Variants in KCNH1 observed in about 807,000 individuals in gnomAD.
The protein encoded by KCNH1 is voltage-gated delayed rectifier potassium channel KCNH1.
A neutral mutation model predicts 69.2 loss-of-function variants in KCNH1; 27 were observed. That is an observed-to-expected ratio of 0.39 (90% CI 0.29 to 0.54). KCNH1 has a LOEUF of 0.54. KCNH1 is among the 20% of genes least tolerant of loss of function. The probability of loss-of-function intolerance (pLI) is 0.68; values close to 1 mark genes in which losing one functional copy is unlikely to be tolerated. For missense variants in KCNH1, 798 were observed against 1,261.6 expected (o/e 0.63, Z 5.57); for synonymous variants, 456 against 487.7 (o/e 0.93, Z 0.86).
intron 10 of KCNH1, among the ~76,000 whole-genome samples, chr1:210,718,276 A>T (rs896309916): frequency 9.2e-6 from 1 of 108,936 alleles, no homozygotes; most frequent in Non-Finnish European, 2.0e-5. Context: ...ATATATGTGC[A>T]TATAAAAATA....
chr1:210,916,901 A>T (rs1397279194), intron 7 of KCNH1, among the ~76,000 whole-genome samples: 2 of 152,058 alleles, frequency 1.3e-5, no homozygotes, highest in African/African-American at 4.8e-5. Flanking sequence ...TAATCCTTGC[A>T]CTTTGGGAGG....
chr1:211,053,887 C>G (rs563502465), intron 5 of KCNH1, among the ~76,000 whole-genome samples: 1 of 151,990 alleles, frequency 6.6e-6, no homozygotes, highest in South Asian at 2.1e-4. Context: ...CAATAAAAAA[C>G]GAGCAATGTT....
In KCNH1 at chr1:210,782,466, C is replaced by CT. The variant is rs1684006504; in HGVS notation, c.1916-6923dup. On this transcript the variant is annotated intron_variant, in intron 9 of 10. Transcript: ENST00000271751. ...CCTGGCCGGGCACAGTAGCTCACAC[C>CT]TGTAAGCCCAGCACTTTGGGAGGCC... is the stretch of plus-strand genomic sequence containing the variant. 3.9e-5 allele frequency among the ~76,000 whole-genome samples: 6 copies of CT among 152,134 alleles called. No individual in the cohort carries two copies. The South Asian group carries it at 1.2e-3, about 31-fold the overall frequency.
At chr1:210,897,879 G>A (rs184064397) in intron 7 of KCNH1, among the ~76,000 whole-genome samples, 305 of 152,280 alleles carry the variant, frequency 2.0e-3, no homozygotes, top group Non-Finnish European at 3.5e-3. Flanking sequence ...CTCCAAGATG[G>A]GAAGGAGACA....
At chr1:210,880,933 G>A (rs1686479440) in intron 7 of KCNH1, among the ~76,000 whole-genome samples, 1 of 151,032 alleles carries the variant, frequency 6.6e-6, no homozygotes, top group African/African-American at 2.4e-5. Flanking sequence ...ACCTTATGAA[G>A]GACAATAAAC....
Position 210,913,930 on chromosome 1 carries a change from A to G in KCNH1, c.1462+5710T>C, listed in dbSNP as rs190552747. 2.6e-5 allele frequency among the ~76,000 whole-genome samples: 4 copies of G among 152,300 alleles called. No homozygotes were observed. The East Asian group carries it at 7.7e-4, about 29-fold the overall frequency. On this transcript the variant is annotated intron_variant, in intron 7 of 10. Transcript: ENST00000271751. ...AGACAACTTCCTAGTCTTATTCTCA[A>G]AAGTAAGGAGTATGACCAGCTTTCC...
rs550350946 is a variant in KCNH1 at position 210,918,026 on chromosome 1, CA to C, written c.1462+1613del. Among the ~76,000 whole-genome samples, 3 of 152,268 alleles carry C rather than the reference CA, an allele frequency of 2.0e-5. No individual in the cohort carries two copies. The South Asian group carries it at 6.2e-4, about 32-fold the overall frequency. On this transcript the variant is annotated intron_variant, in intron 7 of 10. Coordinates refer to ENST00000271751, the MANE Select transcript of KCNH1 (RefSeq NM_172362.3). Reference sequence around the variant, plus strand: ...AAGCTCCATAGGCACACACTTCCCACAAATCAATTACCCCCTTAGACACATT... The same window carrying C: ...AAGCTCCATAGGCACACACTTCCCACAATCAATTACCCCCTTAGACACATT...
chr1:210,967,933 T>C (rs759675107), intron 6 of KCNH1, among the ~76,000 whole-genome samples: 1 of 152,002 alleles, frequency 6.6e-6, no homozygotes, highest in African/African-American at 2.4e-5. Context: ...TAGTTACATA[T>C]GTATACATGT....
intron 7 of KCNH1, among the ~76,000 whole-genome samples, chr1:210,912,519 T>A (rs1348926607): frequency 6.6e-6 from 1 of 152,216 alleles, no homozygotes. Context: ...TCTCTTAAAG[T>A]AGAGCATACT....
intron 10 of KCNH1, among the ~76,000 whole-genome samples, chr1:210,725,957 A>G (rs1370796829): frequency 6.6e-6 from 1 of 152,144 alleles, no homozygotes; most frequent in Non-Finnish European, 1.5e-5. Flanking sequence ...ATTATATTAT[A>G]GTTATCTGTG....
At chr1:210,866,927 G>A (rs1465033290) in intron 7 of KCNH1, among the ~76,000 whole-genome samples, 1 of 151,992 alleles carries the variant, frequency 6.6e-6, no homozygotes, top group East Asian at 1.9e-4. Flanking sequence ...TTATTATTCA[G>A]TAATAAAAAG....
chr1:210,990,356 A>C (rs368989703), intron 6 of KCNH1, among the ~76,000 whole-genome samples: 95 of 152,314 alleles, frequency 6.2e-4, no homozygotes, highest in African/African-American at 2.1e-3. Context: ...AAAAATGTAT[A>C]TTGCAGCATC....
intron 10 of KCNH1, among the ~76,000 whole-genome samples, chr1:210,744,499 C>G (rs746487437): frequency 3.2e-4 from 48 of 152,084 alleles, no homozygotes; most frequent in Admixed American, 6.5e-5. Context: ...CAAAAATTAG[C>G]CAGGCATGGT....
chr1:211,031,063 G>A (rs1263634876), intron 5 of KCNH1, among the ~76,000 whole-genome samples: 1 of 151,694 alleles, frequency 6.6e-6, no homozygotes, highest in African/African-American at 2.4e-5. Flanking sequence ...TATTAAAATG[G>A]CTAAAATTTT....
At chr1:211,000,225 C>G (rs1689146603) in intron 6 of KCNH1, among the ~76,000 whole-genome samples, 1 of 152,086 alleles carries the variant, frequency 6.6e-6, no homozygotes, top group Non-Finnish European at 1.5e-5. Flanking sequence ...TCAAATTGTC[C>G]CTGTTTGCAG....
intron 7 of KCNH1, among the ~76,000 whole-genome samples, chr1:210,874,383 G>C (rs1686321457): frequency 6.6e-6 from 1 of 152,224 alleles, no homozygotes; most frequent in Non-Finnish European, 1.5e-5. Context: ...AAAGCATCCT[G>C]ATACTATGAC....
intron 10 of KCNH1, among the ~76,000 whole-genome samples, chr1:210,761,275 A>AG (rs1683515064): frequency 1.4e-5 from 2 of 144,696 alleles, no homozygotes; most frequent in Non-Finnish European, 3.0e-5. Flanking sequence ...AAAAAAAAAA[A>AG]GTACATGTAA....
rs187108049 is a variant in KCNH1 at position 210,860,079 on chromosome 1, G to A, written c.1463-55913C>T. The A allele has an allele frequency of 1.1e-3, 1,485 of 1,320,574 alleles. 14 individuals carry two copies. In the African/African-American group the frequency reaches 0.02, roughly 18 times the overall value. 81.8% of individuals were successfully genotyped at this position (1,320,574 alleles called of 1,614,324 possible). Reference sequence around the variant, plus strand: ...CTCTAACAATTTTGCCGTATGACACGCTGCATCTTCTCCTGCAACTACTGG... The same window carrying A: ...CTCTAACAATTTTGCCGTATGACACACTGCATCTTCTCCTGCAACTACTGG... On this transcript the variant is annotated intron_variant, in intron 7 of 10. Transcript: ENST00000271751.
At chr1:210,809,383 G>A (rs1684651741) in intron 7 of KCNH1, among the ~76,000 whole-genome samples, 1 of 152,114 alleles carries the variant, frequency 6.6e-6, no homozygotes, top group Non-Finnish European at 1.5e-5. Context: ...GACAGGCTGG[G>A]AAGCATAGCC....
Sources: gnomAD v4.1 joint callset for allele counts (sites outside exome capture counted in the v4.1 genomes callset) on GRCh38, gnomAD v4.1.1 for gene constraint, MANE v1.5 for transcripts, NCBI Gene and HGNC (gene_info 2026-07-23, HGNC 2026-07-21) for gene names.